The following GRB10 variants were observed in gnomAD, a reference collection of about 807,000 sequenced individuals.
GRB10 encodes growth factor receptor bound protein 10.
GRB10 carries 20 observed loss-of-function variants against 80.9 expected under a neutral mutation model. That is an observed-to-expected ratio of 0.25 (90% confidence interval 0.17 to 0.36). The LOEUF (loss-of-function observed/expected upper bound fraction) is 0.36. Among genes scored for constraint, GRB10 ranks in the 10% least tolerant of loss-of-function variants. The pLI, the probability that GRB10 is intolerant of heterozygous loss-of-function variation, is 1.00. For missense variants in GRB10, 548 were observed against 747.7 expected (o/e 0.73, Z 3.12); for synonymous variants, 291 against 291.5 (o/e 1.00, Z 0.02).
chr7:50,718,143 G>A (rs914223431), intron 4 of GRB10, among the ~76,000 whole-genome samples: 1 of 152,214 alleles, frequency 6.6e-6, no homozygotes, highest in Non-Finnish European at 1.5e-5. Context: ...GCGGAACTGT[G>A]TCCAGCAGGA....
chr7:50,750,523 A>G (rs968494648), intron 3 of GRB10, among the ~76,000 whole-genome samples: 3 of 152,234 alleles, frequency 2.0e-5, no homozygotes, highest in African/African-American at 4.8e-5. Flanking sequence ...TGATCACAGC[A>G]CACGTTGAGC....
At chr7:50,781,994 T>C (rs1288161071) in intron 1 of GRB10, among the ~76,000 whole-genome samples, 1 of 152,204 alleles carries the variant, frequency 6.6e-6, no homozygotes, top group Non-Finnish European at 1.5e-5. Context: ...TCTAGCATTA[T>C]GTTTTTCACA....
At chr7:50,603,242 T>C (rs748840087) in intron 17 of GRB10, among the ~76,000 whole-genome samples, 4 of 152,314 alleles carry the variant, frequency 2.6e-5, no homozygotes, top group South Asian at 2.1e-4. Context: ...GTGTCGGCCT[T>C]CTGTGGTAAC....
intron 4 of GRB10, among the ~76,000 whole-genome samples, chr7:50,704,558 T>G (rs1337035511): frequency 6.6e-6 from 1 of 152,226 alleles, no homozygotes; most frequent in African/African-American, 2.4e-5. Flanking sequence ...TCTTATAGAT[T>G]TATAAAAATC....
intron 5 of GRB10, among the ~76,000 whole-genome samples, chr7:50,698,187 G>C (rs2063695329): frequency 6.6e-6 from 1 of 152,080 alleles, no homozygotes; most frequent in African/African-American, 2.4e-5. Flanking sequence ...TACATAAACA[G>C]GATACTAATA....
At chr7:50,594,185 C>A (rs574403811) in intron 18 of GRB10, among the ~76,000 whole-genome samples, 1 of 152,274 alleles carries the variant, frequency 6.6e-6, no homozygotes, top group African/African-American at 2.4e-5. Context: ...TGGGCTCAAC[C>A]CCAGATTCTG....
rs1168901983 is a variant in GRB10, at chr7:50,650,006, G to A, written c.504+19716C>T. On this transcript the variant is annotated intron_variant, in intron 7 of 18. Coordinates refer to ENST00000401949, the MANE Select transcript of GRB10 (RefSeq NM_001350814.2). ...CATGAGCAGAGAGATGGCATCTGAC[G>A]GCATGGGGCCAGATGCAGTCTCTCA... is the stretch of plus-strand genomic sequence containing the variant. Among the ~76,000 whole-genome samples the A allele has an allele frequency of 8.5e-5, 13 of 152,154 alleles. No homozygotes were observed. In the East Asian group the frequency reaches 2.5e-3, roughly 29 times the overall value.
intron 4 of GRB10, among the ~76,000 whole-genome samples, chr7:50,725,260 C>G (rs2068442566): frequency 6.6e-6 from 1 of 152,158 alleles, no homozygotes; most frequent in South Asian, 2.1e-4. Context: ...TGTGTAGCAC[C>G]TCCCCTTTTG....
intron 4 of GRB10, among the ~76,000 whole-genome samples, chr7:50,722,540 A>C (rs1196137368): frequency 6.6e-6 from 1 of 152,202 alleles, no homozygotes; most frequent in African/African-American, 2.4e-5. Context: ...GCACATGGGC[A>C]GCAACAGCTT....
chr7:50,692,576 A>G (rs2062954441), intron 5 of GRB10, among the ~76,000 whole-genome samples: 1 of 152,106 alleles, frequency 6.6e-6, no homozygotes, highest in Non-Finnish European at 1.5e-5. Context: ...AGAAGGGGAG[A>G]GGCAGGGGCT....
chr7:50,701,025 T>C lies in GRB10; in HGVS notation c.139+2796A>G, dbSNP rs938024900. On this transcript the variant is annotated intron_variant, in intron 5 of 18. Coordinates refer to ENST00000401949, the MANE Select transcript of GRB10 (RefSeq NM_001350814.2). ...TCCTACTATCTTATTTTGTATTTTG[T>C]TTAATATCTTTTTTCTCTTCACATC... is the stretch of plus-strand genomic sequence containing the variant. Among the ~76,000 whole-genome samples the C allele has an allele frequency of 6.6e-5, 10 of 152,200 alleles. 1 individual carries two copies. The South Asian group carries it at 8.3e-4, about 13-fold the overall frequency.
intron 12 of GRB10, among the ~76,000 whole-genome samples, chr7:50,613,954 T>A (rs972549259): frequency 6.6e-6 from 1 of 152,162 alleles, no homozygotes; most frequent in Non-Finnish European, 1.5e-5. Flanking sequence ...GGCTACTGGA[T>A]GTGGGCAATG....
Position 50,707,199 on chromosome 7 carries a change from T to A in GRB10, c.52-3291A>T, listed in dbSNP as rs1164274183. On this transcript the variant is annotated intron_variant, in intron 4 of 18. Transcript: ENST00000401949. ...TACTCTGATTCCTCTTCTGACTTGA[T>A]GTATTACTCTTTCCTCTTCCTGACA... is the stretch of plus-strand genomic sequence containing the variant. Among the ~76,000 whole-genome samples the A allele has an allele frequency of 2.6e-5, 4 of 152,230 alleles. No individual in the cohort carries two copies. The South Asian group carries it at 8.3e-4, about 31-fold the overall frequency.
At chr7:50,734,500 C>T (rs2070454882) in intron 3 of GRB10, among the ~76,000 whole-genome samples, 1 of 152,180 alleles carries the variant, frequency 6.6e-6, no homozygotes, top group African/African-American at 2.4e-5. Flanking sequence ...GTGGTCATCT[C>T]CCAGTCTCCC....
chr7:50,668,768 C>T (rs1586647305), intron 7 of GRB10, among the ~76,000 whole-genome samples: 2 of 152,214 alleles, frequency 1.3e-5, no homozygotes, highest in African/African-American at 4.8e-5. Context: ...CCCTGCCAAC[C>T]GGTGGGGAGG....
chr7:50,594,038 T>G (rs4947406), intron 18 of GRB10, among the ~76,000 whole-genome samples: 90,981 of 151,732 alleles, frequency 0.6, 28,889 homozygotes, highest in East Asian at 0.9. Context: ...TTTCATTTTA[T>G]ATTTTGAGCT....
In GRB10 at chr7:50,608,291, A is replaced by T. The variant is rs966335723; in HGVS notation, c.1195-1877T>A. On this transcript the variant is annotated intron_variant, in intron 13 of 18. Coordinates refer to ENST00000401949, the MANE Select transcript of GRB10 (RefSeq NM_001350814.2). Reference sequence around the variant, plus strand: ...GACAACTAATGTTTTTACATAAATTATAAGATTCAGAAGACAATGCAGTGG... The same window carrying T: ...GACAACTAATGTTTTTACATAAATTTTAAGATTCAGAAGACAATGCAGTGG... Among the ~76,000 whole-genome samples the T allele has an allele frequency of 4.6e-5, 7 of 152,376 alleles. No homozygotes were observed. The South Asian group carries it at 1.4e-3, about 32-fold the overall frequency.
intron 2 of GRB10, among the ~76,000 whole-genome samples, chr7:50,774,282 C>T (rs113616498): frequency 5.3e-5 from 8 of 152,108 alleles, no homozygotes; most frequent in Admixed American, 6.5e-5. Context: ...ACTATGGTGG[C>T]GGTTGCACAT....
chr7:50,679,464 T>C (rs751207441), intron 5 of GRB10, among the ~76,000 whole-genome samples: 1 of 152,192 alleles, frequency 6.6e-6, no homozygotes, highest in Non-Finnish European at 1.5e-5. Context: ...GTGTCTTCTT[T>C]ACATTGTTTA....
Sources: allele counts gnomAD v4.1 joint callset (sites outside exome capture counted in the v4.1 genomes callset), GRCh38; gene constraint gnomAD v4.1.1; transcripts MANE v1.5; gene names NCBI Gene and HGNC (gene_info 2026-07-23, HGNC 2026-07-21).